Variants in ACVR1 observed in about 807,000 individuals in gnomAD.
ACVR1 encodes activin A receptor type 1, also known as activin receptor type-1.
In ACVR1, 38 loss-of-function variants were observed where a neutral mutation model predicts 57.1. The ratio of observed to expected loss-of-function variants is 0.67; its 90% CI spans 0.51 to 0.87. ACVR1 has a LOEUF of 0.87. Among genes scored for constraint, ACVR1 ranks in the 40% least tolerant of loss-of-function variants. The pLI is 0.00. For missense variants in ACVR1, 463 were observed against 638.2 expected (o/e 0.73, Z 2.96); for synonymous variants, 212 against 228.1 (o/e 0.93, Z 0.63).
rs115560402 is a variant in ACVR1, at chr2:157,829,669, G to A, written c.-182-11110C>T. ...CTTCTGCCTTTGCACTTGTCTGCCT[G>A]AAATGTCTTTTTTCATCTGGCAAAC... On this transcript the variant is annotated intron_variant, in intron 1 of 10. Coordinates refer to ENST00000434821, the MANE Select transcript of ACVR1 (RefSeq NM_001111067.4). 7.0e-3 allele frequency among the ~76,000 whole-genome samples: 1,058 copies of A among 152,216 alleles called. 10 individuals are homozygous for A. Among genetic ancestry groups the A allele is most frequent in the Middle Eastern group, 0.044 (13 of 294 alleles).
intron 2 of ACVR1, among the ~76,000 whole-genome samples, chr2:157,807,859 G>C (rs1303248414): frequency 1.0e-5 from 1 of 99,262 alleles, no homozygotes; most frequent in African/African-American, 3.7e-5. Flanking sequence ...TAATTTGGGG[G>C]GGGGGGTGGG....
chr2:157,851,318 C>T (rs545865576), intron 1 of ACVR1, among the ~76,000 whole-genome samples: 4 of 152,092 alleles, frequency 2.6e-5, no homozygotes, highest in African/African-American at 9.6e-5. Flanking sequence ...TCAAGTAAAA[C>T]CAAGTGGCCA....
intron 1 of ACVR1, among the ~76,000 whole-genome samples, chr2:157,853,612 A>G (rs896323414): frequency 1.3e-5 from 2 of 152,116 alleles, no homozygotes; most frequent in African/African-American, 4.8e-5. Context: ...CAAAATCCAA[A>G]TCTAATCTGA....
chr2:157,836,974 G>A (rs574124917), intron 1 of ACVR1, among the ~76,000 whole-genome samples: 1 of 152,326 alleles, frequency 6.6e-6, no homozygotes, highest in Admixed American at 6.5e-5. Flanking sequence ...CTGCACCCAT[G>A]AACAGGAAGA....
intron 1 of ACVR1, among the ~76,000 whole-genome samples, chr2:157,845,804 A>T (rs1373515049): frequency 6.6e-6 from 1 of 152,240 alleles, no homozygotes; most frequent in Non-Finnish European, 1.5e-5. Flanking sequence ...TTCAATAGCC[A>T]TCTGAATGTC....
At chr2:157,823,450 G>GA (rs541611228) in intron 1 of ACVR1, among the ~76,000 whole-genome samples, 3 of 151,510 alleles carry the variant, frequency 2.0e-5, no homozygotes, top group Non-Finnish European at 2.9e-5. Flanking sequence ...AGATAATGAA[G>GA]AAAAAAAAGC....
intron 1 of ACVR1, among the ~76,000 whole-genome samples, chr2:157,862,073 T>A (rs1689738459): frequency 6.6e-6 from 1 of 152,218 alleles, no homozygotes; most frequent in Non-Finnish European, 1.5e-5. Flanking sequence ...ATATTTACTT[T>A]ATCCATTTGT....
chr2:157,871,285 C>T (rs1266745465), intron 1 of ACVR1, among the ~76,000 whole-genome samples: 1 of 152,152 alleles, frequency 6.6e-6, no homozygotes. Flanking sequence ...ATCCAGAAAG[C>T]ATTCTTGCTT....
chr2:157,763,733 C>A (rs1260884748), intron 8 of ACVR1, among the ~76,000 whole-genome samples: 2 of 152,124 alleles, frequency 1.3e-5, no homozygotes, highest in East Asian at 3.8e-4. Context: ...TAATACTGAT[C>A]TTTTTGCAGG....
chr2:157,770,287 A>G, intron 7 of ACVR1, 81 bp downstream of exon 7: 1 of 1,530,260 alleles, frequency 6.5e-7, no homozygotes, highest in Non-Finnish European at 9.0e-7. Context: ...TCGAATTCAC[A>G]TTCACCAAAA....
At chr2:157,862,941 AT>A (rs35933666) in intron 1 of ACVR1, among the ~76,000 whole-genome samples, 5,860 of 120,632 alleles carry the variant, frequency 0.049, 561 homozygotes, top group East Asian at 0.23. Context: ...CAAAAATAGT[AT>A]TTTTAGTGAT....
At chr2:157,773,127 AG>A (rs1304900124) in intron 6 of ACVR1, among the ~76,000 whole-genome samples, 1 of 152,178 alleles carries the variant, frequency 6.6e-6, no homozygotes, top group African/African-American at 2.4e-5. Context: ...GGGTGTGGAG[AG>A]GTTGCCAACC....
In ACVR1 at chr2:157,767,810, T is replaced by G. The variant is rs7587013; in HGVS notation, c.791-1614A>C. ...TCAACTCTGAATTTAGTGCTAGCTGTCCTGATACCTTGCATAGGAAGGCTC... is the reference window on the plus strand; with the variant it reads ...TCAACTCTGAATTTAGTGCTAGCTGGCCTGATACCTTGCATAGGAAGGCTC... On this transcript the variant is annotated intron_variant, in intron 7 of 10. Coordinates refer to ENST00000434821, the MANE Select transcript of ACVR1 (RefSeq NM_001111067.4). 8.1e-3 allele frequency among the ~76,000 whole-genome samples: 1,238 copies of G among 152,284 alleles called. 9 individuals carry two copies. The highest frequency in any genetic ancestry group is 0.027 in the African/African-American group (1,115 of 41,562).
At chr2:157,779,574 G>A (rs1356064283) in intron 4 of ACVR1, among the ~76,000 whole-genome samples, 1 of 152,042 alleles carries the variant, frequency 6.6e-6, no homozygotes, top group Non-Finnish European at 1.5e-5. Context: ...TTTTTGGTTT[G>A]TTTCTTTTTT....
chr2:157,857,823 A>G (rs1363341545), intron 1 of ACVR1, among the ~76,000 whole-genome samples: 1 of 152,220 alleles, frequency 6.6e-6, no homozygotes, highest in Non-Finnish European at 1.5e-5. Flanking sequence ...AGATGGAGAG[A>G]AAAGGTGAGT....
intron 9 of ACVR1, among the ~76,000 whole-genome samples, chr2:157,752,514 A>T (rs544823373): frequency 6.6e-6 from 1 of 152,358 alleles, no homozygotes; most frequent in Admixed American, 6.5e-5. Context: ...TAAGCTAATC[A>T]AGGAGGCACC....
At chr2:157,755,827 A>G (rs1685405281) in intron 9 of ACVR1, among the ~76,000 whole-genome samples, 1 of 152,108 alleles carries the variant, frequency 6.6e-6, no homozygotes, top group Admixed American at 6.6e-5. Flanking sequence ...TAAAATGTAT[A>G]TGGAACCAAA....
At chr2:157,821,991 A>T in intron 1 of ACVR1, among the ~76,000 whole-genome samples, 1 of 152,146 alleles carries the variant, frequency 6.6e-6, no homozygotes, top group Non-Finnish European at 1.5e-5. Context: ...AAAAATCAAG[A>T]CAAGTTTTCT....
At chr2:157,754,453 A>G (rs1440218559) in intron 9 of ACVR1, among the ~76,000 whole-genome samples, 2 of 152,186 alleles carry the variant, frequency 1.3e-5, no homozygotes, top group African/African-American at 4.8e-5. Flanking sequence ...GAAATACAAA[A>G]GATCATTCAA....
Sources: allele counts gnomAD v4.1 joint callset (sites outside exome capture counted in the v4.1 genomes callset), GRCh38; gene constraint gnomAD v4.1.1; transcripts MANE v1.5; gene names NCBI Gene and HGNC (gene_info 2026-07-23, HGNC 2026-07-21).